The following PBRM1 variants were observed in gnomAD, a reference collection of about 807,000 sequenced individuals.
The protein encoded by PBRM1 is protein polybromo-1.
A neutral mutation model predicts 194.5 loss-of-function variants in PBRM1; 27 were observed. The ratio of observed to expected loss-of-function variants is 0.14; its 90% CI spans 0.10 to 0.19. The LOEUF is 0.19. Ranked by LOEUF, PBRM1 falls within the 10% of genes least tolerant of loss-of-function variation. The pLI, the probability that PBRM1 is intolerant of heterozygous loss-of-function variation, is 1.00. For missense variants in PBRM1, 1,466 were observed against 2,077.2 expected (o/e 0.71, Z 5.72); for synonymous variants, 655 against 693.2 (o/e 0.94, Z 0.87).
At chr3:52,554,936 T>C (rs2081911563) in intron 26 of PBRM1, 57 bp from the exon 29 acceptor site, 1 of 1,469,542 alleles carries the variant, frequency 6.8e-7, no homozygotes, top group Non-Finnish European at 9.4e-7. Flanking sequence ...ATGAGCTAAG[T>C]AATAACAACC....
intron 11 of PBRM1, among the ~76,000 whole-genome samples, chr3:52,631,709 T>A (rs1003024536): frequency 2.6e-5 from 4 of 152,180 alleles, no homozygotes; most frequent in African/African-American, 9.6e-5. Context: ...TTGATATTTT[T>A]AAGTTTATTT....
At chr3:52,683,213 T>A (rs55678971), upstream of PBRM1, among the ~76,000 whole-genome samples, 67,657 of 145,452 alleles carry the variant, frequency 0.47, 15,618 homozygotes, top group African/African-American at 0.53. Flanking sequence ...AAAAAAATAA[T>A]AAAAAAAAAA....
exon 18 of PBRM1, chr3:52,589,140 A>G (rs2092758670): frequency 1.2e-6 from 2 of 1,613,330 alleles, no homozygotes; most frequent in Non-Finnish European, 1.7e-6. Flanking sequence ...CAGGTTCCAC[A>G]TAGACGTAAT....
chr3:52,589,367 T>G (rs1402779319), intron 17 of PBRM1, 112 bp from the exon 20 acceptor site: 1 of 586,214 alleles, frequency 1.7e-6, no homozygotes, highest in Non-Finnish European at 2.8e-6. Flanking sequence ...TACATTTAAT[T>G]CCATTTGCAA....
chr3:52,593,753 CT>C (rs1470368295), intron 17 of PBRM1, among the ~76,000 whole-genome samples: 1 of 151,952 alleles, frequency 6.6e-6, no homozygotes, highest in Non-Finnish European at 1.5e-5. Context: ...GTGATTTTGT[CT>C]TGATTTCTAT....
chr3:52,550,813 C>G (rs1316018963), exon 28 of PBRM1: 1 of 1,605,304 alleles, frequency 6.2e-7, no homozygotes, highest in Non-Finnish European at 8.5e-7. Context: ...CTTGGTTCAT[C>G]ACACCTATAA....
intron 3 of PBRM1, 138 bp from the exon 5 acceptor site, chr3:52,662,414 G>A (rs995441757): frequency 1.1e-5 from 7 of 644,914 alleles, no homozygotes; most frequent in Non-Finnish European, 1.8e-5. Context: ...ACATATATGG[G>A]TCCAAATCCC....
chr3:52,658,348 A>T, intron 4 of PBRM1, 33 bp from the exon 6 acceptor site: 1 of 1,110,242 alleles, frequency 9.0e-7, no homozygotes, highest in Non-Finnish European at 1.4e-6. Flanking sequence ...ACTTTCTAAG[A>T]GAAATAATAA....
chr3:52,580,445 G>A (rs1373932307), intron 20 of PBRM1, among the ~76,000 whole-genome samples: 21 of 151,920 alleles, frequency 1.4e-4, no homozygotes, highest in Non-Finnish European at 2.5e-4. Flanking sequence ...TGCAAGCTCC[G>A]CCTCCCGGGT....
rs1481566631 is a variant in PBRM1, at chr3:52,599,827, C to T, written c.2779+3694G>A. On this transcript the variant is annotated intron_variant, in intron 17 of 29. Transcript: ENST00000296302. ...CCTGGGCAACAGAGTGAGACTCCAT[C>T]TCAAAAAAAAAAAAAATTTTTTTTT... Among the ~76,000 whole-genome samples, 4 of 148,502 alleles carry T rather than the reference C, an allele frequency of 2.7e-5. No individual in the cohort carries two copies. The East Asian group carries it at 7.8e-4, about 29-fold the overall frequency.
intron 13 of PBRM1, among the ~76,000 whole-genome samples, chr3:52,624,340 A>G (rs1353743835): frequency 6.6e-6 from 1 of 152,256 alleles, no homozygotes; most frequent in Non-Finnish European, 1.5e-5. Context: ...ATGTGAAAAC[A>G]AAAGCACTAC....
Position 52,629,032 on chromosome 3 carries a change from T to C in PBRM1, c.1305A>G (p.Thr435=), listed in dbSNP as rs1200442089. 3 of 1,600,306 alleles carry C rather than the reference T, an allele frequency of 1.9e-6. No individual in the cohort carries two copies. In the South Asian group the frequency reaches 3.4e-5, roughly 18 times the overall value. ...TTTCATATTCTTGATTCTTCAGTTT[T>C]GTTCTGTGAAAGACAAAGAAATTGC... Residue 435 remains threonine, a synonymous_variant, in exon 12 of 30, where the codon ACA becomes ACG. Coordinates refer to ENST00000296302, the Ensembl canonical transcript of PBRM1.
chr3:52,625,731 C>T (rs575220017), intron 13 of PBRM1, among the ~76,000 whole-genome samples: 5 of 152,032 alleles, frequency 3.3e-5, no homozygotes, highest in East Asian at 1.9e-4. Context: ...CCCACTATCA[C>T]GCCTGGCTAA....
chr3:52,615,120 A>G (rs1477762308), intron 15 of PBRM1, among the ~76,000 whole-genome samples: 2 of 152,374 alleles, frequency 1.3e-5, no homozygotes, highest in African/African-American at 4.8e-5. Flanking sequence ...ATGTCTACGC[A>G]TTTAAGAAAG....
At chr3:52,655,153 C>CCTCATAGT (rs2096586083) in intron 5 of PBRM1, among the ~76,000 whole-genome samples, 2 of 152,068 alleles carry the variant, frequency 1.3e-5, no homozygotes, top group African/African-American at 4.8e-5. Context: ...TACACTCACA[C>CCTCATAGT]TGCTGTGCAA....
chr3:52,676,620 A>G (rs2336542), intron 2 of PBRM1, among the ~76,000 whole-genome samples: 52,019 of 152,014 alleles, frequency 0.34, 9,916 homozygotes, highest in Admixed American at 0.46. Context: ...CAGTAAATTG[A>G]TACCAGTAGA....
chr3:52,662,709 C>A (rs1396023049), intron 3 of PBRM1, among the ~76,000 whole-genome samples: 1 of 151,702 alleles, frequency 6.6e-6, no homozygotes, highest in African/African-American at 2.4e-5. Flanking sequence ...ACCTGTGGTC[C>A]CAGCTACTTG....
At chr3:52,653,576 C>G (rs1577681239) in intron 5 of PBRM1, among the ~76,000 whole-genome samples, 1 of 122,040 alleles carries the variant, frequency 8.2e-6, no homozygotes, top group East Asian at 2.4e-4. Context: ...GCAAGAAGAG[C>G]AGAATTCTGT....
At chr3:52,554,806 G>A (rs2153430022) in exon 27 of PBRM1, 1 of 1,595,544 alleles carries the variant, frequency 6.3e-7, no homozygotes, top group South Asian at 1.1e-5. Flanking sequence ...GTGGCTGCAT[G>A]CTGCCCATGC....
Sources: allele counts gnomAD v4.1 joint callset (sites outside exome capture counted in the v4.1 genomes callset), GRCh38; gene constraint gnomAD v4.1.1; transcripts MANE v1.5; gene names NCBI Gene and HGNC (gene_info 2026-07-23, HGNC 2026-07-21).